Variants in TMEM150C observed in about 807,000 individuals in gnomAD.
TMEM150C encodes transmembrane protein 150C, also known as tentonin 3.
Under a neutral mutation model 29.9 loss-of-function variants are expected in TMEM150C, and 10 were observed. That is an observed-to-expected ratio of 0.33 (90% confidence interval 0.21 to 0.57). The LOEUF is 0.57. TMEM150C is among the 20% of genes least tolerant of loss of function. TMEM150C has a pLI of 0.88. For synonymous variants in TMEM150C, 101 were observed against 112.5 expected (o/e 0.90, Z 0.64); for missense variants, 251 against 303.6 (o/e 0.83, Z 1.29).
rs1723112655 is a variant in TMEM150C, at chr4:82,485,014, A to G, written c.*497T>C. On this transcript the variant is annotated 3_prime_UTR_variant, in exon 8 of 8. Transcript: ENST00000449862. ...CTCACTATGCCTTTCCACAGGCGAC[A>G]CAGGGTCACATCTCAATACAATTTC... is the stretch of plus-strand genomic sequence containing the variant. 9 of 154,528 alleles carry G rather than the reference A, an allele frequency of 5.8e-5. No homozygotes were observed. The South Asian group carries it at 1.8e-3, about 31-fold the overall frequency. 9.6% of individuals were successfully genotyped at this position (154,528 alleles called of 1,614,324 possible).
At chr4:82,493,064 C>T (rs975052839) in intron 6 of TMEM150C, among the ~76,000 whole-genome samples, 2 of 151,186 alleles carry the variant, frequency 1.3e-5, no homozygotes, top group South Asian at 4.1e-4. Context: ...TTGTTAAAGA[C>T]ATGGCTTTTA....
intron 1 of TMEM150C, among the ~76,000 whole-genome samples, chr4:82,534,670 A>G (rs1724952975): frequency 6.6e-6 from 1 of 152,202 alleles, no homozygotes; most frequent in Non-Finnish European, 1.5e-5. Flanking sequence ...ACAGATGCCC[A>G]TCTTATAGAA....
chr4:82,486,314 G>A (rs1723157088), intron 7 of TMEM150C, among the ~76,000 whole-genome samples: 2 of 137,448 alleles, frequency 1.5e-5, no homozygotes, highest in Admixed American at 1.5e-4. Flanking sequence ...CCAGGCTGGT[G>A]GACAGAGCGA....
rs1485767714 is a variant in TMEM150C at position 82,485,736 on chromosome 4, A to G, written c.542-17T>C. 1.3e-6 allele frequency: 2 copies of G among 1,590,206 alleles called. No homozygotes were observed. The highest frequency in any genetic ancestry group is 1.3e-5 in the African/African-American group (1 of 74,488). On this transcript the variant is annotated splice_polypyrimidine_tract_variant and intron_variant, in intron 7 of 7. Transcript: ENST00000449862. ...GGATGAAGTCTGGGGAGAAGCAGTC[A>G]AGGAAAATACCCTCATCAGCCACAT...
chr4:82,504,242 T>C (rs1203037151), intron 2 of TMEM150C, among the ~76,000 whole-genome samples: 1 of 152,160 alleles, frequency 6.6e-6, no homozygotes, highest in Non-Finnish European at 1.5e-5. Flanking sequence ...CTTGCTCTCT[T>C]GCCCAGTCTG....
At chr4:82,519,204 CT>C (rs771837782) in intron 1 of TMEM150C, among the ~76,000 whole-genome samples, 20 of 152,092 alleles carry the variant, frequency 1.3e-4, no homozygotes, top group Non-Finnish European at 2.5e-4. Context: ...ATCATGTCAC[CT>C]TTTGGCCTAC....
intron 1 of TMEM150C, among the ~76,000 whole-genome samples, chr4:82,557,476 C>T (rs1415427983): frequency 6.6e-6 from 1 of 152,058 alleles, no homozygotes; most frequent in African/African-American, 2.4e-5. Flanking sequence ...CTCTGAACCT[C>T]CTCTCCCTTG....
chr4:82,513,269 A>C (rs939220505), intron 1 of TMEM150C, among the ~76,000 whole-genome samples: 1 of 152,200 alleles, frequency 6.6e-6, no homozygotes, highest in African/African-American at 2.4e-5. Flanking sequence ...GCTGGTCTTC[A>C]GCCTCCACTG....
intron 1 of TMEM150C, among the ~76,000 whole-genome samples, chr4:82,509,170 G>A (rs559965773): frequency 6.6e-6 from 1 of 152,312 alleles, no homozygotes; most frequent in South Asian, 2.1e-4. Context: ...TCTGTGGTGT[G>A]AGTGAGACTG....
chr4:82,490,077 A>G lies in TMEM150C; in HGVS notation c.525T>C (p.Thr175=). The change falls in exon 7 of 8, where the codon ACT becomes ACC. Residue 175 remains threonine, a synonymous_variant. Coordinates refer to ENST00000449862, the MANE Select transcript of TMEM150C (RefSeq NM_001080506.3). The part of the protein sequence containing the change: ...IPRVILSASI[T]LCVVLYFILM... ...AAAGGATACAGAGGACCACACAGAGAGTGATAGATGCCGACAGAATAACCC... is the reference window on the plus strand; with the variant it reads ...AAAGGATACAGAGGACCACACAGAGGGTGATAGATGCCGACAGAATAACCC... 1 of 1,614,000 alleles carries G rather than the reference A, an allele frequency of 6.2e-7. No homozygotes were observed. Among genetic ancestry groups the G allele is most frequent in the Non-Finnish European group, 8.5e-7 (1 of 1,179,866 alleles).
intron 5 of TMEM150C, among the ~76,000 whole-genome samples, chr4:82,497,425 A>G (rs1389348493): frequency 1.3e-5 from 2 of 152,236 alleles, no homozygotes; most frequent in African/African-American, 4.8e-5. Context: ...ATTAGTAGAC[A>G]TTAATAAAGA....
rs1560477145 is a variant in TMEM150C, at chr4:82,485,509, G to T, written c.*2C>A. Reference sequence around the variant, plus strand: ...CCTCACCAGCAAGGAAAAACTGATGGTTTACACCTGGTCAGTCTGATATTC... The same window carrying T: ...CCTCACCAGCAAGGAAAAACTGATGTTTTACACCTGGTCAGTCTGATATTC... On this transcript the variant is annotated 3_prime_UTR_variant, in exon 8 of 8. Coordinates refer to ENST00000449862, the MANE Select transcript of TMEM150C (RefSeq NM_001080506.3). 4.4e-6 allele frequency: 7 copies of T among 1,590,732 alleles called. No homozygotes were observed. Among genetic ancestry groups the T allele is most frequent in the Non-Finnish European group, 6.0e-6 (7 of 1,168,156 alleles).
Position 82,485,517 on chromosome 4 carries a change from C to T in TMEM150C, c.744G>A (p.Gln248=), listed in dbSNP as rs923550589. The T allele has an allele frequency of 1.9e-6, 3 of 1,596,468 alleles. No individual in the cohort carries two copies. Among genetic ancestry groups the T allele is most frequent in the Admixed American group, 1.8e-5 (1 of 57,106 alleles). ...LSEASEYQTD[Q]V is the part of the protein sequence containing the mutation. ...GCAAGGAAAAACTGATGGTTTACAC[C>T]TGGTCAGTCTGATATTCAGAAGCTT... The change falls in exon 8 of 8, where the codon CAG becomes CAA. Residue 248 remains glutamine, a synonymous_variant. Coordinates refer to ENST00000449862, the MANE Select transcript of TMEM150C (RefSeq NM_001080506.3).
chr4:82,495,582 T>G (rs1377236079), intron 6 of TMEM150C: 2 of 355,922 alleles, frequency 5.6e-6, no homozygotes, highest in African/African-American at 4.3e-5. Flanking sequence ...GCATCCACAG[T>G]GCAACCACGA....
In TMEM150C at chr4:82,485,423, GAGGTTC is replaced by G; in HGVS notation, c.*82_*87del. On this transcript the variant is annotated 3_prime_UTR_variant, in exon 8 of 8. Transcript: ENST00000449862. Reference sequence around the variant, plus strand: ...GTGTGTGTGTGTGTGTGTGTGAAATGAGGTTCTATGTCAAGTCCTGTGAGTGTGTCC... The same window carrying G: ...GTGTGTGTGTGTGTGTGTGTGAAATGTATGTCAAGTCCTGTGAGTGTGTCC... The G allele has an allele frequency of 1.1e-6, 1 of 880,030 alleles. No individual in the cohort carries two copies. The highest frequency in any genetic ancestry group is 1.8e-5 in the African/African-American group (1 of 56,254). 54.5% of individuals were successfully genotyped at this position (880,030 alleles called of 1,614,324 possible).
At chr4:82,485,829 A>AAACT in intron 7 of TMEM150C, 110 bp from the exon 8 acceptor site, 1 of 938,864 alleles carries the variant, frequency 1.1e-6, no homozygotes, top group Admixed American at 2.8e-5. Flanking sequence ...ATCACTAGAA[A>AAACT]AACTGGTAGC....
intron 1 of TMEM150C, among the ~76,000 whole-genome samples, chr4:82,557,187 C>G (rs1444508819): frequency 6.6e-6 from 1 of 152,178 alleles, no homozygotes. Context: ...ATGCTTGATG[C>G]TAAATCAAAT....
At chr4:82,511,621 G>A (rs951359153) in intron 1 of TMEM150C, among the ~76,000 whole-genome samples, 11 of 152,030 alleles carry the variant, frequency 7.2e-5, no homozygotes, top group South Asian at 2.1e-4. Flanking sequence ...GACTACAGGC[G>A]TGTGCCACTA....
chr4:82,553,624 G>A (rs1287991906), intron 1 of TMEM150C, among the ~76,000 whole-genome samples: 3 of 152,142 alleles, frequency 2.0e-5, no homozygotes, highest in Non-Finnish European at 2.9e-5. Flanking sequence ...CTTGTGTTAT[G>A]AACAAGAAAG....
Sources: allele counts gnomAD v4.1 joint callset (sites outside exome capture counted in the v4.1 genomes callset), GRCh38; gene constraint gnomAD v4.1.1; transcripts MANE v1.5; gene names NCBI Gene and HGNC (gene_info 2026-07-23, HGNC 2026-07-21).